Variants in TMEM150C observed in about 807,000 individuals in gnomAD.
TMEM150C encodes tentonin 3.
A neutral mutation model predicts 29.9 loss-of-function variants in TMEM150C; 10 were observed. That is an observed-to-expected ratio of 0.33 (90% CI 0.21 to 0.57). The LOEUF (loss-of-function observed/expected upper bound fraction) is 0.57, where lower values mean the gene tolerates loss of function less well. Ranked by LOEUF, TMEM150C falls within the 20% of genes least tolerant of loss-of-function variation. TMEM150C has a pLI of 0.88. For synonymous variants in TMEM150C, 101 were observed against 112.5 expected, an observed-to-expected ratio of 0.90 and a Z score of 0.64; for missense variants, 251 against 303.6, an observed-to-expected ratio of 0.83 and a Z score of 1.29.
chr4:82,546,213 C>T (rs1441247047), intron 1 of TMEM150C, among the ~76,000 whole-genome samples: 1 of 152,060 alleles, frequency 6.6e-6, no homozygotes, highest in Non-Finnish European at 1.5e-5. Context: ...ATGTCATTTC[C>T]CACAGAACTA....
intron 6 of TMEM150C, chr4:82,495,745 AC>A: frequency 2.9e-6 from 1 of 341,500 alleles, no homozygotes; most frequent in South Asian, 3.3e-5. Flanking sequence ...ACTGATTCGG[AC>A]CACATAACCC....
At chr4:82,533,271 T>A (rs1056565106) in intron 1 of TMEM150C, among the ~76,000 whole-genome samples, 3 of 152,252 alleles carry the variant, frequency 2.0e-5, no homozygotes, top group African/African-American at 7.2e-5. Context: ...CATGAATTTA[T>A]CTTTTTCTGA....
intron 1 of TMEM150C, among the ~76,000 whole-genome samples, chr4:82,555,456 G>A (rs1725707711): frequency 6.6e-6 from 1 of 152,206 alleles, no homozygotes; most frequent in South Asian, 2.1e-4. Context: ...TGGGCATATA[G>A]CTGTTTTTTC....
At position 82,515,467 on chromosome 4, in the gene TMEM150C, G is replaced by A. The variant is rs556567247; in HGVS notation, c.-10-10800C>T. Among the ~76,000 whole-genome samples the A allele has an allele frequency of 3.9e-5, 6 of 152,164 alleles. No homozygotes were observed. In the South Asian group the frequency reaches 1.0e-3, roughly 26 times the overall value. On this transcript the variant is annotated intron_variant, in intron 1 of 7. Transcript: ENST00000449862. ...CTAAAGAAATCTCTTGGCCGGGCGC[G>A]GTGGCTCACGCTTGTAATCCCAGCA... is the stretch of plus-strand genomic sequence containing the variant.
intron 1 of TMEM150C, among the ~76,000 whole-genome samples, chr4:82,553,488 C>T (rs1280592514): frequency 2.0e-5 from 3 of 152,130 alleles, no homozygotes; most frequent in Non-Finnish European, 4.4e-5. Context: ...ATGGTCAAGC[C>T]AAGACTCTAA....
intron 1 of TMEM150C, among the ~76,000 whole-genome samples, chr4:82,508,710 C>A (rs1262210964): frequency 6.6e-6 from 1 of 152,162 alleles, no homozygotes; most frequent in East Asian, 1.9e-4. Context: ...AGGTGATCAA[C>A]CTGCCTTGGC....
intron 5 of TMEM150C, among the ~76,000 whole-genome samples, chr4:82,500,562 A>G (rs1404025136): frequency 6.6e-6 from 1 of 152,208 alleles, no homozygotes; most frequent in Non-Finnish European, 1.5e-5. Flanking sequence ...AGAGCTAGCA[A>G]AAGCTTAATT....
At chr4:82,538,863 C>T (rs151053847) in intron 1 of TMEM150C, among the ~76,000 whole-genome samples, 6,571 of 152,108 alleles carry the variant, frequency 0.043, 167 homozygotes, top group South Asian at 0.08. Flanking sequence ...GAGTTTGAGA[C>T]CAGCCTGGGC....
intron 1 of TMEM150C, among the ~76,000 whole-genome samples, chr4:82,547,505 C>T (rs1210514012): frequency 6.6e-6 from 1 of 152,012 alleles, no homozygotes; most frequent in African/African-American, 2.4e-5. Context: ...AGGAGAATAG[C>T]TTGAACCCAG....
chr4:82,561,690 G>T (rs1365208563), intron 1 of TMEM150C, among the ~76,000 whole-genome samples: 1 of 147,250 alleles, frequency 6.8e-6, no homozygotes, highest in East Asian at 2.0e-4. Flanking sequence ...GGGAGCGTGC[G>T]CCCGCGGAGG....
chr4:82,506,484 A>G (rs1723925504), intron 1 of TMEM150C, among the ~76,000 whole-genome samples: 1 of 152,242 alleles, frequency 6.6e-6, no homozygotes, highest in African/African-American at 2.4e-5. Context: ...AGCCACTTTC[A>G]ATAATTTAAT....
chr4:82,511,436 T>C (rs1464532685), intron 1 of TMEM150C, among the ~76,000 whole-genome samples: 1 of 150,632 alleles, frequency 6.6e-6, no homozygotes, highest in East Asian at 2.0e-4. Flanking sequence ...AGGATTCTTT[T>C]TCTCAGAAAT....
intron 1 of TMEM150C, among the ~76,000 whole-genome samples, chr4:82,554,099 A>C (rs1725664357): frequency 6.6e-6 from 1 of 152,226 alleles, no homozygotes; most frequent in South Asian, 2.1e-4. Flanking sequence ...AAAATGTTTC[A>C]AAATGCCATA....
At chr4:82,541,606 G>A (rs10516676) in intron 1 of TMEM150C, among the ~76,000 whole-genome samples, 53,387 of 152,076 alleles carry the variant, frequency 0.35, 13,725 homozygotes, top group African/African-American at 0.73. Context: ...GAAATGTACA[G>A]ATCAGACTAA....
At chr4:82,500,042 T>C (rs983800345) in intron 5 of TMEM150C, among the ~76,000 whole-genome samples, 8 of 152,206 alleles carry the variant, frequency 5.3e-5, no homozygotes, top group African/African-American at 1.7e-4. Context: ...CAGAAAATTA[T>C]ATTCCTTTGA....
chr4:82,527,885 T>A (rs2110081438), intron 1 of TMEM150C, among the ~76,000 whole-genome samples: 1 of 152,210 alleles, frequency 6.6e-6, no homozygotes, highest in Middle Eastern at 3.4e-3. Context: ...ATTGGTAAGG[T>A]CTCATTCTGG....
At chr4:82,507,725 CTCTTTTTTTTTTTTT>C (rs1723979699) in intron 1 of TMEM150C, among the ~76,000 whole-genome samples, 4 of 27,862 alleles carry the variant, frequency 1.4e-4, no homozygotes, top group South Asian at 1.2e-3. Flanking sequence ...CTCTCTCTCT[CTCTTTTTTTTTTTTT>C]TTTTTTTTTT....
chr4:82,497,553 A>AAAATCC (rs1284170129), intron 5 of TMEM150C, among the ~76,000 whole-genome samples: 5 of 152,238 alleles, frequency 3.3e-5, no homozygotes, highest in Non-Finnish European at 5.9e-5. Flanking sequence ...AGAGTGGTAT[A>AAAATCC]AAACTTGATT....
intron 6 of TMEM150C, chr4:82,491,504 G>A: frequency 1.5e-6 from 1 of 674,300 alleles, no homozygotes; most frequent in East Asian, 2.5e-5. Context: ...TGGGCTGGAT[G>A]TCCTGTCCAA....
Sources: allele counts gnomAD v4.1 joint callset (sites outside exome capture counted in the v4.1 genomes callset), GRCh38; gene constraint gnomAD v4.1.1; transcripts MANE v1.5; gene names NCBI Gene and HGNC (gene_info 2026-07-23, HGNC 2026-07-21).